TMEM245: variants seen among roughly 807,000 people sequenced by gnomAD.
TMEM245 encodes the protein transmembrane protein 245.
Under a neutral mutation model 101.2 loss-of-function variants are expected in TMEM245, and 69 were observed. The ratio of observed to expected loss-of-function variants is 0.68; its 90% CI spans 0.56 to 0.83. The LOEUF (loss-of-function observed/expected upper bound fraction) is 0.83. TMEM245 is among the 40% of genes least tolerant of loss of function. TMEM245 has a pLI of 0.00. For missense variants in TMEM245, 1,075 were observed against 1,092.8 expected (o/e 0.98, Z 0.23); for synonymous variants, 537 against 449.8 (o/e 1.19, Z -2.45).
Position 109,048,847 on chromosome 9 carries a change from A to T in TMEM245, c.2123+1436T>A, listed in dbSNP as rs181989467. ...TGTAAATACATGGATGCCAGAAGTC[A>T]TAACGAAAAAGTTTCTGGCCAGAAC... is the stretch of plus-strand genomic sequence containing the variant. On this transcript the variant is annotated intron_variant, in intron 14 of 17. Coordinates refer to ENST00000374586, the MANE Select transcript of TMEM245 (RefSeq NM_032012.4). Among the ~76,000 whole-genome samples the T allele has an allele frequency of 5.9e-5, 9 of 152,364 alleles. No homozygotes were observed. In the East Asian group the frequency reaches 1.5e-3, roughly 26 times the overall value.
rs1227205601 is a variant in TMEM245 at position 109,087,354 on chromosome 9, C to T, written c.1151-12G>A. ...TTTGAGTATCCAGACTAAAAAAAGACAAAAAATACATATATAAACAAAATA... is the reference window on the plus strand; with the variant it reads ...TTTGAGTATCCAGACTAAAAAAAGATAAAAAATACATATATAAACAAAATA... On this transcript the variant is annotated splice_polypyrimidine_tract_variant and intron_variant, in intron 5 of 17. Transcript: ENST00000374586. 1 of 1,576,542 alleles carries T rather than the reference C, an allele frequency of 6.3e-7. No homozygotes were observed. Among genetic ancestry groups the T allele is most frequent in the African/African-American group, 1.4e-5 (1 of 72,300 alleles).
intron 6 of TMEM245, among the ~76,000 whole-genome samples, chr9:109,086,625 G>A (rs1017589895): frequency 6.6e-6 from 1 of 152,144 alleles, no homozygotes; most frequent in Non-Finnish European, 1.5e-5. Flanking sequence ...TTACTGGTAT[G>A]GAAACCAAGG....
At position 109,064,575 on chromosome 9, in the gene TMEM245, A is replaced by G. The variant is rs149569024; in HGVS notation, c.1533-8T>C. 1.8e-4 allele frequency: 297 copies of G among 1,608,724 alleles called. No individual in the cohort carries two copies. In the African/African-American group the frequency reaches 3.7e-3, roughly 20 times the overall value. The stretch of plus-strand genomic sequence containing the variant: ...TGAGCCTCAGGAAGCCAACTAATGT[A>G]AAACAAAGAAAAAAATGAAAAAAGT... On this transcript the variant is annotated splice_polypyrimidine_tract_variant and splice_region_variant and intron_variant, in intron 9 of 17. Transcript: ENST00000374586.
intron 9 of TMEM245, among the ~76,000 whole-genome samples, chr9:109,070,369 G>T (rs1039480728): frequency 6.6e-6 from 1 of 152,124 alleles, no homozygotes; most frequent in African/African-American, 2.4e-5. Context: ...TCTATTTCCT[G>T]TCTTGGTGAA....
chr9:109,112,174 ATC>A (rs1258644146), intron 1 of TMEM245, among the ~76,000 whole-genome samples: 1 of 152,152 alleles, frequency 6.6e-6, no homozygotes, highest in Admixed American at 6.5e-5. Flanking sequence ...AGCTAAGAAA[ATC>A]TGTTGAAAAC....
chr9:109,102,918 G>C (rs1168739724), intron 3 of TMEM245, among the ~76,000 whole-genome samples: 3 of 152,148 alleles, frequency 2.0e-5, no homozygotes, highest in Non-Finnish European at 4.4e-5. Flanking sequence ...CACACGGCTG[G>C]GTAACCAGAA....
chr9:109,026,252 G>A (rs1253125569), intron 17 of TMEM245, among the ~76,000 whole-genome samples: 1 of 151,898 alleles, frequency 6.6e-6, no homozygotes, highest in African/African-American at 2.4e-5. Flanking sequence ...GGATGGGGGA[G>A]AGAGAAAAAT....
rs942122598 is a variant in TMEM245 at position 109,020,299 on chromosome 9, T to C, written c.*161A>G. The C allele has an allele frequency of 1.3e-6, 1 of 755,090 alleles. No individual in the cohort carries two copies. The allele number at this position is 755,090 out of a possible 1,614,324, so 46.8% of individuals were successfully genotyped here. ...AAAATACAAAGCAGCCCGCAGCAAGTTCTCTCTTGTCCAGGCATTCTGTAT... is the reference window on the plus strand; with the variant it reads ...AAAATACAAAGCAGCCCGCAGCAAGCTCTCTCTTGTCCAGGCATTCTGTAT... On this transcript the variant is annotated 3_prime_UTR_variant, in exon 18 of 18. Coordinates refer to ENST00000374586, the MANE Select transcript of TMEM245 (RefSeq NM_032012.4).
intron 12 of TMEM245, among the ~76,000 whole-genome samples, chr9:109,053,782 G>T (rs543967899): frequency 2.0e-5 from 3 of 152,128 alleles, no homozygotes; most frequent in Non-Finnish European, 4.4e-5. Context: ...AGATTCAAAC[G>T]CAACAGTTTA....
Position 109,115,861 on chromosome 9 carries a change from T to C in TMEM245, c.579+3474A>G, listed in dbSNP as rs572632185. On this transcript the variant is annotated intron_variant, in intron 1 of 17. Transcript: ENST00000374586. ...CCACTAAAAATAATTAAACACAATG[T>C]ATTAGGGAAAACTTTTTAAAAATCC... Among the ~76,000 whole-genome samples the C allele has an allele frequency of 3.5e-3, 530 of 152,266 alleles. 2 individuals carry two copies. Among genetic ancestry groups the C allele is most frequent in the Non-Finnish European group, 4.4e-3 (299 of 68,016 alleles).
At chr9:109,043,392 C>G (rs1370014829) in intron 14 of TMEM245, among the ~76,000 whole-genome samples, 1 of 152,170 alleles carries the variant, frequency 6.6e-6, no homozygotes, top group Non-Finnish European at 1.5e-5. Context: ...ACCATGTGGT[C>G]AAGCACCTAC....
At chr9:109,099,764 G>A (rs1181993971) in intron 3 of TMEM245, among the ~76,000 whole-genome samples, 2 of 152,184 alleles carry the variant, frequency 1.3e-5, no homozygotes, top group East Asian at 3.8e-4. Context: ...GCTATGGTTT[G>A]AGTGTTTGTG....
intron 10 of TMEM245, among the ~76,000 whole-genome samples, chr9:109,062,249 G>A (rs146835108): frequency 0.01 from 1,493 of 148,712 alleles, 6 homozygotes; most frequent in Non-Finnish European, 0.015. Context: ...CTCCTGACTC[G>A]GCCTCCCAAA....
At chr9:109,029,916 A>G (rs1827898733) in intron 17 of TMEM245, among the ~76,000 whole-genome samples, 1 of 152,204 alleles carries the variant, frequency 6.6e-6, no homozygotes, top group African/African-American at 2.4e-5. Context: ...GCAAATAAAA[A>G]CCAGTATCTT....
intron 3 of TMEM245, among the ~76,000 whole-genome samples, chr9:109,105,803 G>A (rs563894648): frequency 2.6e-5 from 4 of 151,844 alleles, no homozygotes; most frequent in Admixed American, 1.3e-4. Context: ...ACGGAGTCTC[G>A]CTCTGTTGCC....
chr9:109,056,133 A>G (rs1828827537), intron 12 of TMEM245, among the ~76,000 whole-genome samples: 1 of 152,230 alleles, frequency 6.6e-6, no homozygotes. Flanking sequence ...TAGCATAAAC[A>G]TTATTTTAGA....
At chr9:109,030,179 T>C (rs1049092363) in intron 17 of TMEM245, among the ~76,000 whole-genome samples, 4 of 152,178 alleles carry the variant, frequency 2.6e-5, no homozygotes, top group African/African-American at 9.6e-5. Context: ...TGGAGGTAAA[T>C]ATCAAAATAA....
At chr9:109,056,269 T>C (rs1383442231) in intron 12 of TMEM245, among the ~76,000 whole-genome samples, 1 of 151,886 alleles carries the variant, frequency 6.6e-6, no homozygotes, top group Non-Finnish European at 1.5e-5. Context: ...GTTGCTGCCT[T>C]TTCAGTTATG....
chr9:109,087,272 C>CCACA lies in TMEM245; in HGVS notation c.1217_1220dup (p.Trp407CysfsTer33). The CCACA allele has an allele frequency of 6.2e-7, 1 of 1,613,920 alleles. No individual in the cohort carries two copies. The highest frequency in any genetic ancestry group is 8.5e-7 in the Non-Finnish European group (1 of 1,179,926). On this transcript the variant is annotated frameshift_variant, in exon 6 of 18. Transcript: ENST00000374586. LOFTEE classifies it high-confidence loss of function. Reference sequence around the variant, plus strand: ...TCAGGAAGCTTTCTATAATGCCCCACCACACATGGTAGCGTTTCTCTAGGA... The same window carrying CCACA: ...TCAGGAAGCTTTCTATAATGCCCCACCACACACACATGGTAGCGTTTCTCTAGGA...
Sources: gnomAD v4.1 joint callset for allele counts (sites outside exome capture counted in the v4.1 genomes callset) on GRCh38, gnomAD v4.1.1 for gene constraint, MANE v1.5 for transcripts, NCBI Gene and HGNC (gene_info 2026-07-23, HGNC 2026-07-21) for gene names.